Variants in RNF220 observed in about 807,000 individuals in gnomAD.
RNF220 encodes ring finger protein 220.
Under a neutral mutation model 67.1 loss-of-function variants are expected in RNF220, and 7 were observed. The ratio of observed to expected loss-of-function variants is 0.10; its 90% CI spans 0.06 to 0.20. The LOEUF is 0.20. Ranked by LOEUF, RNF220 falls within the 10% of genes least tolerant of loss-of-function variation. The pLI, the probability that RNF220 is intolerant of heterozygous loss-of-function variation, is 1.00. For missense variants in RNF220, 565 were observed against 740.3 expected (o/e 0.76, Z 2.75); for synonymous variants, 270 against 283.2 (o/e 0.95, Z 0.47).
intron 5 of RNF220, 131 bp from the exon 6 acceptor site, chr1:44,632,212 G>C (rs1644162354): frequency 6.2e-7 from 1 of 1,609,538 alleles, no homozygotes; most frequent in South Asian, 1.1e-5. Context: ...GGAGGAAGTA[G>C]GTTTGTTTAC....
chr1:44,544,113 G>A (rs1346264767), intron 2 of RNF220, among the ~76,000 whole-genome samples: 1 of 152,196 alleles, frequency 6.6e-6, no homozygotes, highest in African/African-American at 2.4e-5. Flanking sequence ...GCAAGAGGTC[G>A]GGAGGACCAC....
At chr1:44,615,381 A>C (rs1290604089) in intron 3 of RNF220, among the ~76,000 whole-genome samples, 1 of 152,102 alleles carries the variant, frequency 6.6e-6, no homozygotes, top group Non-Finnish European at 1.5e-5. Flanking sequence ...GAGGACTGGC[A>C]AGGTCAAATT....
chr1:44,597,100 A>G lies in RNF220; in HGVS notation c.626-17065A>G, dbSNP rs552264723. On this transcript the variant is annotated intron_variant, in intron 2 of 14. Coordinates refer to ENST00000361799, the MANE Select transcript of RNF220 (RefSeq NM_018150.4). ...TGACCCACATGCCAGATGCTGTGCT[A>G]TAGAGTGCATCCAGCTCCAAATTCT... Among the ~76,000 whole-genome samples the G allele has an allele frequency of 1.8e-3, 278 of 152,290 alleles. 1 individual carries two copies. The highest frequency in any genetic ancestry group is 0.018 in the Admixed American group (273 of 15,296).
intron 2 of RNF220, among the ~76,000 whole-genome samples, chr1:44,576,790 C>T (rs976943772): frequency 1.3e-5 from 2 of 152,158 alleles, no homozygotes; most frequent in Non-Finnish European, 2.9e-5. Flanking sequence ...TTATTTCAGC[C>T]GGACAATTGC....
chr1:44,633,454 A>C (rs1279833486), intron 6 of RNF220, among the ~76,000 whole-genome samples: 1 of 152,228 alleles, frequency 6.6e-6, no homozygotes, highest in Non-Finnish European at 1.5e-5. Context: ...GATAGAGAAC[A>C]GAACTTTCCC....
chr1:44,547,116 T>G (rs1308430741), intron 2 of RNF220, among the ~76,000 whole-genome samples: 1 of 152,174 alleles, frequency 6.6e-6, no homozygotes, highest in Non-Finnish European at 1.5e-5. Context: ...GCCCCCAGGA[T>G]GGGAAAAGGC....
At chr1:44,635,517 G>A (rs752020378) in intron 6 of RNF220, 28 bp from the exon 7 acceptor site, 81 of 1,611,218 alleles carry the variant, frequency 5.0e-5, no homozygotes, top group Non-Finnish European at 6.8e-5. Flanking sequence ...TGCTTGTTCT[G>A]TGCTTTGTTT....
chr1:44,458,426 C>G (rs1424672723), intron 2 of RNF220, among the ~76,000 whole-genome samples: 1 of 151,436 alleles, frequency 6.6e-6, no homozygotes, highest in Non-Finnish European at 1.5e-5. Context: ...GTACCATTTC[C>G]TAACTTGGGT....
chr1:44,428,174 T>C (rs1649989052), intron 2 of RNF220, among the ~76,000 whole-genome samples: 1 of 152,180 alleles, frequency 6.6e-6, no homozygotes, highest in Admixed American at 6.5e-5. Flanking sequence ...ACTAGAATTC[T>C]ACACTAAACT....
At chr1:44,526,446 G>A (rs1406541549) in intron 2 of RNF220, among the ~76,000 whole-genome samples, 1 of 152,070 alleles carries the variant, frequency 6.6e-6, no homozygotes, top group South Asian at 2.1e-4. Flanking sequence ...CACCCTGGAG[G>A]CCATCTTCAC....
chr1:44,443,877 G>A (rs1376584763), intron 2 of RNF220, among the ~76,000 whole-genome samples: 2 of 152,168 alleles, frequency 1.3e-5, no homozygotes, highest in Non-Finnish European at 2.9e-5. Context: ...GATCGCCTGA[G>A]GTCAGGAGTT....
rs1365618261 is a variant in RNF220 at position 44,644,839 on chromosome 1, G to T, written c.1223+45G>T. 4 of 1,559,284 alleles carry T rather than the reference G, an allele frequency of 2.6e-6. No individual in the cohort carries two copies. In the African/African-American group the frequency reaches 5.4e-5, roughly 21 times the overall value. On this transcript the variant is annotated intron_variant, in intron 9 of 14. Transcript: ENST00000361799. Reference sequence around the variant, plus strand: ...GGGGCTGGTGGGGCTGATAGGGCAGGCACAGGGAATAAGAAAAGTAGCTCT... The same window carrying T: ...GGGGCTGGTGGGGCTGATAGGGCAGTCACAGGGAATAAGAAAAGTAGCTCT...
At chr1:44,449,657 G>A (rs11211001) in intron 2 of RNF220, among the ~76,000 whole-genome samples, 29,985 of 152,048 alleles carry the variant, frequency 0.2, 3,221 homozygotes, top group Middle Eastern at 0.26. Flanking sequence ...CATGTGATCC[G>A]CTCCCCTAGG....
intron 2 of RNF220, among the ~76,000 whole-genome samples, chr1:44,536,273 C>G (rs1021870407): frequency 3.3e-4 from 50 of 152,316 alleles, no homozygotes; most frequent in African/African-American, 1.2e-3. Flanking sequence ...AAGAACGACG[C>G]ATCTCCAGAA....
intron 2 of RNF220, among the ~76,000 whole-genome samples, chr1:44,489,922 C>T (rs1656697968): frequency 6.6e-6 from 1 of 152,218 alleles, no homozygotes. Flanking sequence ...TCTATCATCT[C>T]TTTGCCTAGC....
chr1:44,576,316 C>A, intron 2 of RNF220, among the ~76,000 whole-genome samples: 1 of 152,134 alleles, frequency 6.6e-6, no homozygotes, highest in South Asian at 2.1e-4. Context: ...TGTTGGTGAA[C>A]TTTGTTGTCA....
intron 2 of RNF220, among the ~76,000 whole-genome samples, chr1:44,593,375 C>T (rs1167553051): frequency 1.3e-5 from 2 of 152,188 alleles, no homozygotes; most frequent in African/African-American, 4.8e-5. Flanking sequence ...CAACTTTTAC[C>T]TTTCCCTATC....
rs1468420599 is a variant in RNF220, at chr1:44,632,400, G to GCCCCTCCCTCCGCCCCAC, written c.949+20_949+37dup. 2 of 1,607,452 alleles carry GCCCCTCCCTCCGCCCCAC rather than the reference G, an allele frequency of 1.2e-6. No homozygotes were observed. The highest frequency in any genetic ancestry group is 1.1e-5 in the South Asian group (1 of 90,838). ...CCGACTGAATGGTGAGTCCTGCCCG[G>GCCCCTCCCTCCGCCCCAC]CCCCTCCCTCCGCCCCACCCCCGGC... On this transcript the variant is annotated intron_variant, in intron 6 of 14. Coordinates refer to ENST00000361799, the MANE Select transcript of RNF220 (RefSeq NM_018150.4).
At chr1:44,613,326 CTG>C (rs1643397287) in intron 2 of RNF220, among the ~76,000 whole-genome samples, 2 of 141,432 alleles carry the variant, frequency 1.4e-5, no homozygotes, top group African/African-American at 5.6e-5. Context: ...AACCCCACAC[CTG>C]TAAGCAGAGG....
Sources: gnomAD v4.1 joint callset for allele counts (sites outside exome capture counted in the v4.1 genomes callset) on GRCh38, gnomAD v4.1.1 for gene constraint, MANE v1.5 for transcripts, NCBI Gene and HGNC (gene_info 2026-07-23, HGNC 2026-07-21) for gene names.